CACNA1C: variants seen among roughly 807,000 people sequenced by gnomAD.
The protein encoded by CACNA1C is voltage-dependent L-type calcium channel subunit alpha-1C.
In CACNA1C, 30 loss-of-function variants were observed where a neutral mutation model predicts 229.0. The ratio of observed to expected loss-of-function variants is 0.13; its 90% CI spans 0.10 to 0.18. CACNA1C has a LOEUF of 0.18. CACNA1C is among the 10% of genes least tolerant of loss of function. CACNA1C has a pLI of 1.00. For missense variants in CACNA1C, 1,658 were observed against 2,845.0 expected, an observed-to-expected ratio of 0.58 and a Z score of 9.49; for synonymous variants, 1,114 against 1,132.5, an observed-to-expected ratio of 0.98 and a Z score of 0.33.
At chr12:2,539,007 G>A (rs2099862493) in intron 9 of CACNA1C, among the ~76,000 whole-genome samples, 1 of 152,192 alleles carries the variant, frequency 6.6e-6, no homozygotes, top group Non-Finnish European at 1.5e-5. Flanking sequence ...GTCGCCTGAT[G>A]GGGCTGAAAA....
At chr12:2,157,651 T>G (rs2095621473) in intron 3 of CACNA1C, among the ~76,000 whole-genome samples, 1 of 152,350 alleles carries the variant, frequency 6.6e-6, no homozygotes, top group Admixed American at 6.5e-5. Flanking sequence ...CAAAGCCTAG[T>G]GCATCATAAG....
chr12:2,299,487 A>C (rs2094383845), intron 3 of CACNA1C, among the ~76,000 whole-genome samples: 1 of 152,086 alleles, frequency 6.6e-6, no homozygotes, highest in Non-Finnish European at 1.5e-5. Flanking sequence ...TGGCATGGCT[A>C]GTTCAGATGC....
At chr12:2,258,835 A>G (rs1168073430) in intron 3 of CACNA1C, among the ~76,000 whole-genome samples, 1 of 152,266 alleles carries the variant, frequency 6.6e-6, no homozygotes, top group Non-Finnish European at 1.5e-5. Context: ...TTTTTGTCTC[A>G]TTAAAATGAA....
chr12:2,668,876 G>A, intron 37 of CACNA1C, 57 bp from the exon 38 acceptor site: 1 of 1,126,982 alleles, frequency 8.9e-7, no homozygotes, highest in Non-Finnish European at 1.4e-6. Flanking sequence ...ACGGTGTTCT[G>A]CGGTCCCCTA....
At chr12:2,332,667 C>T (rs984170161) in intron 3 of CACNA1C, among the ~76,000 whole-genome samples, 1 of 152,188 alleles carries the variant, frequency 6.6e-6, no homozygotes, top group African/African-American at 2.4e-5. Flanking sequence ...CAATGGGGGC[C>T]TGGTGTAGCC....
rs2096949231 is a variant in CACNA1C, at chr12:2,184,857, C to T, written c.477+64427C>T. Among the ~76,000 whole-genome samples the T allele has an allele frequency of 2.0e-5, 3 of 152,182 alleles. No individual in the cohort carries two copies. The South Asian group carries it at 6.2e-4, about 31-fold the overall frequency. On this transcript the variant is annotated intron_variant, in intron 3 of 46. Transcript: ENST00000399655. ...CCCACTTCCGCTATCCCCAAACATG[C>T]CCATTAGCACTGACATCTAAAGGGC...
rs199989167 is a variant in CACNA1C, at chr12:2,320,041, C to CT, written c.478-128933dup. Among the ~76,000 whole-genome samples, 917 of 152,268 alleles carry CT rather than the reference C, an allele frequency of 6.0e-3. 11 individuals are homozygous for CT. Among genetic ancestry groups the CT allele is most frequent in the African/African-American group, 0.019 (801 of 41,548 alleles). ...GTCTGCAGCCAAGTATTTCCCTTCC[C>CT]TTCTTAGAGGGCCACGTCCCTGGCC... On this transcript the variant is annotated intron_variant, in intron 3 of 46. Transcript: ENST00000399655.
intron 16 of CACNA1C, 117 bp downstream of exon 16, chr12:2,584,734 G>A: frequency 1.4e-6 from 1 of 689,738 alleles, no homozygotes; most frequent in Non-Finnish European, 2.5e-6. Flanking sequence ...CCTCCTAGGA[G>A]GACTCTGGGT....
intron 3 of CACNA1C, among the ~76,000 whole-genome samples, chr12:2,343,799 A>G (rs764879559): frequency 5.3e-5 from 8 of 152,234 alleles, no homozygotes; most frequent in Non-Finnish European, 1.2e-4. Flanking sequence ...CGCTAGCTGC[A>G]GAAAGAGCAA....
intron 9 of CACNA1C, among the ~76,000 whole-genome samples, chr12:2,515,441 G>A (rs1467573475): frequency 6.6e-6 from 1 of 152,212 alleles, no homozygotes; most frequent in Non-Finnish European, 1.5e-5. Flanking sequence ...TACAAGGGGA[G>A]AAATCCTGCT....
intron 1 of CACNA1C, among the ~76,000 whole-genome samples, chr12:2,036,258 G>A (rs979035993): frequency 6.6e-6 from 1 of 152,178 alleles, no homozygotes; most frequent in Non-Finnish European, 1.5e-5. Context: ...GTCTGAGTGG[G>A]CCGTGGGAAG....
intron 3 of CACNA1C, among the ~76,000 whole-genome samples, chr12:2,202,394 C>T (rs939546924): frequency 2.6e-5 from 4 of 152,196 alleles, no homozygotes; most frequent in East Asian, 3.8e-4. Flanking sequence ...CTATTGTACA[C>T]GTTTAGGTCT....
rs375814979 is a variant in CACNA1C at position 2,647,536 on chromosome 12, C to T, written c.3913-939C>T. On this transcript the variant is annotated intron_variant, in intron 30 of 46. Coordinates refer to ENST00000399655, the MANE Select transcript of CACNA1C (RefSeq NM_000719.7). The surrounding 1 kb of genome is among the most constrained non-coding windows in gnomAD (Gnocchi z 4.2). ...TTTCATGCCAACGGTCAGGGCTCGC[C>T]GCACCTATAGACCAACAGCTAAGCA... 3.8e-4 allele frequency among the ~76,000 whole-genome samples: 58 copies of T among 152,292 alleles called. No homozygotes were observed. Among genetic ancestry groups the T allele is most frequent in the African/African-American group, 1.2e-3 (50 of 41,566 alleles).
chr12:2,053,246 C>G lies in CACNA1C; in HGVS notation c.-317C>G, dbSNP rs2052843826. On this transcript the variant is annotated 5_prime_UTR_variant, in exon 1 of 47. Coordinates refer to ENST00000399655, the MANE Select transcript of CACNA1C (RefSeq NM_000719.7). The surrounding 1 kb of genome is among the most constrained non-coding windows in gnomAD (Gnocchi z 5.8). The stretch of plus-strand genomic sequence containing the variant: ...CCGCCTCTTCTCGCCCTGCCTCTCC[C>G]GATTTATTTTTTCAAATGGTGTAGC... 6.6e-6 allele frequency: 7 copies of G among 1,053,624 alleles called. No homozygotes were observed. In the South Asian group the frequency reaches 2.8e-4, roughly 42 times the overall value. 65.3% of individuals were successfully genotyped at this position (1,053,624 alleles called of 1,614,324 possible). A position where few individuals can be genotyped will look rare whatever the true frequency, so the allele number is the denominator to read the frequency against.
intron 1 of CACNA1C, among the ~76,000 whole-genome samples, chr12:2,005,217 T>C (rs911347752): frequency 2.0e-5 from 3 of 152,124 alleles, no homozygotes; most frequent in African/African-American, 7.2e-5. Context: ...GTAAGAATTA[T>C]TAATTTCATT....
At chr12:2,509,551 C>T (rs2099778973) in intron 8 of CACNA1C, among the ~76,000 whole-genome samples, 1 of 152,132 alleles carries the variant, frequency 6.6e-6, no homozygotes, top group Non-Finnish European at 1.5e-5. Flanking sequence ...GATTCATGAA[C>T]ATTAAACTCC....
chr12:2,232,676 G>A (rs993374901), intron 3 of CACNA1C, among the ~76,000 whole-genome samples: 2 of 151,968 alleles, frequency 1.3e-5, no homozygotes, highest in Non-Finnish European at 2.9e-5. Flanking sequence ...ATTATGTTTG[G>A]CTAATTATGA....
intron 1 of CACNA1C, among the ~76,000 whole-genome samples, chr12:2,070,584 A>C (rs373458261): frequency 1.3e-5 from 2 of 152,326 alleles, no homozygotes; most frequent in East Asian, 1.9e-4. Context: ...TTTCTTCAGC[A>C]GTTTAAAGAT....
At chr12:2,534,422 A>G (rs747861092) in intron 9 of CACNA1C, among the ~76,000 whole-genome samples, 13 of 152,234 alleles carry the variant, frequency 8.5e-5, no homozygotes, top group Non-Finnish European at 1.8e-4. Flanking sequence ...AGACTCCTCC[A>G]GAAGATGAGA....
Sources: gnomAD v4.1 joint callset for allele counts (sites outside exome capture counted in the v4.1 genomes callset) on GRCh38, gnomAD v4.1.1 for gene constraint, Gnocchi (gnomAD v3.1) non-coding constraint, MANE v1.5 for transcripts, NCBI Gene and HGNC (gene_info 2026-07-23, HGNC 2026-07-21) for gene names.